The following PKHD1L1 variants were observed in gnomAD, a reference collection of about 807,000 sequenced individuals.
PKHD1L1 encodes the protein fibrocystin-L.
Under a neutral mutation model 462.9 loss-of-function variants are expected in PKHD1L1, and 434 were observed. That is an observed-to-expected ratio of 0.94 (90% CI 0.87 to 1.02). PKHD1L1 has a LOEUF of 1.02. Ranked by LOEUF, PKHD1L1 falls within the 50% of genes least tolerant of loss-of-function variation. PKHD1L1 has a pLI of 0.00. For synonymous variants in PKHD1L1, 1,781 were observed against 1,750.0 expected, an observed-to-expected ratio of 1.02 and a Z score of -0.44; for missense variants, 5,202 against 5,096.1, an observed-to-expected ratio of 1.02 and a Z score of -0.63.
intron 38 of PKHD1L1, among the ~76,000 whole-genome samples, chr8:109,447,719 C>G (rs535509970): frequency 6.6e-6 from 1 of 152,306 alleles, no homozygotes; most frequent in South Asian, 2.1e-4. Context: ...AATGTAGTCT[C>G]TCCTCAAAAG....
chr8:109,493,911 T>A (rs2130928599), intron 63 of PKHD1L1, among the ~76,000 whole-genome samples, 160 bp downstream of exon 63: 1 of 151,954 alleles, frequency 6.6e-6, no homozygotes, highest in South Asian at 2.1e-4. Context: ...ACATTGGATC[T>A]AAAAAAATAA....
chr8:109,418,200 A>G (rs1379646727), intron 21 of PKHD1L1, among the ~76,000 whole-genome samples: 2 of 152,088 alleles, frequency 1.3e-5, no homozygotes, highest in African/African-American at 4.8e-5. Context: ...GAATTGCATA[A>G]TCAGTTGTAC....
intron 27 of PKHD1L1, among the ~76,000 whole-genome samples, chr8:109,430,954 T>C (rs898585100): frequency 2.0e-5 from 3 of 151,458 alleles, no homozygotes; most frequent in Non-Finnish European, 4.4e-5. Flanking sequence ...CACTCTTGCA[T>C]TTTGTAATGA....
At position 109,419,114 on chromosome 8, in the gene PKHD1L1, T is replaced by C. The variant is rs1172440464; in HGVS notation, c.2378T>C (p.Ile793Thr). 8 of 1,613,208 alleles carry C rather than the reference T, an allele frequency of 5.0e-6. No homozygotes were observed. Among genetic ancestry groups the C allele is most frequent in the Non-Finnish European group, 6.8e-6 (8 of 1,179,426 alleles). ...TATTTCAGCTGGACTTACACTTGCA[T>C]AGACCTTCTGGATCTCGTAAGAACG... ...AYGNNWTYTCIDLLDLVRTKY... is the reference protein window; with the variant it reads ...AYGNNWTYTCTDLLDLVRTKY... The change falls in exon 22 of 78, where the codon ATA becomes ACA. Residue 793 changes from isoleucine to threonine, a missense_variant. By Grantham distance (89) the Ile-to-Thr change is moderately conservative. This residue lies in a region of PKHD1L1 where 4,497 missense variants were observed against 4,336.8 expected (regional missense o/e 1.04). Coordinates refer to ENST00000378402, the MANE Select transcript of PKHD1L1 (RefSeq NM_177531.6).
At chr8:109,490,930 A>G in intron 60 of PKHD1L1, 42 bp from the exon 61 acceptor site, 1 of 1,473,396 alleles carries the variant, frequency 6.8e-7, no homozygotes, top group Non-Finnish European at 9.1e-7. Flanking sequence ...ATATATTGTA[A>G]TTTTATTTTA....
At chr8:109,488,576 C>T (rs1818670825) in intron 59 of PKHD1L1, among the ~76,000 whole-genome samples, 1 of 152,004 alleles carries the variant, frequency 6.6e-6, no homozygotes, top group African/African-American at 2.4e-5. Flanking sequence ...AGTAGACCAT[C>T]CATTCTTGAT....
intron 2 of PKHD1L1, among the ~76,000 whole-genome samples, chr8:109,380,750 C>T (rs549788642): frequency 7.2e-5 from 11 of 152,202 alleles, no homozygotes; most frequent in African/African-American, 2.4e-4. Flanking sequence ...TCACATTTTG[C>T]TCTCTCTCAT....
chr8:109,388,538 A>G lies in PKHD1L1; in HGVS notation c.611A>G (p.Gln204Arg), dbSNP rs1236899719. ...GGMPCELLIP[Q>R]SDNLYGLKLD... ...ATGCCCTGTGAGCTTCTCATACCAC[A>G]ATCTGATAATTTGTAAGTAATTCAA... Residue 204 changes from glutamine to arginine, a missense_variant, in exon 7 of 78, where the codon CAA becomes CGA. By Grantham distance (43) the Gln-to-Arg change is conservative (BLOSUM62 1). This residue lies in a region of PKHD1L1 where 4,497 missense variants were observed against 4,336.8 expected (regional missense o/e 1.04). Transcript: ENST00000378402. The G allele has an allele frequency of 3.0e-5, 45 of 1,511,564 alleles. No individual in the cohort carries two copies. Among genetic ancestry groups the G allele is most frequent in the Non-Finnish European group, 4.0e-5 (44 of 1,111,988 alleles). The allele number at this position is 1,511,564 out of a possible 1,614,324, so 93.6% of individuals were successfully genotyped here. A position where few individuals can be genotyped will look rare whatever the true frequency, so the allele number is the denominator to read the frequency against.
intron 55 of PKHD1L1, chr8:109,480,713 T>A (rs900180254): frequency 2.4e-6 from 1 of 418,868 alleles, no homozygotes; most frequent in Non-Finnish European, 4.7e-6. Flanking sequence ...CAAAAAGCTA[T>A]TAAGCAGCAT....
At chr8:109,372,409 G>C (rs1281968953) in intron 2 of PKHD1L1, among the ~76,000 whole-genome samples, 1 of 152,224 alleles carries the variant, frequency 6.6e-6, no homozygotes, top group Non-Finnish European at 1.5e-5. Context: ...TTTGGGCTGA[G>C]ACGACTGGGT....
At chr8:109,433,821 T>G (rs1314826010) in intron 28 of PKHD1L1, among the ~76,000 whole-genome samples, 1 of 152,208 alleles carries the variant, frequency 6.6e-6, no homozygotes, top group African/African-American at 2.4e-5. Context: ...GTTTTTAGTT[T>G]AGTTCTTTTA....
rs539024405 is a variant in PKHD1L1 at position 109,479,428 on chromosome 8, G to A, written c.9090-123G>A. 1.7e-4 allele frequency: 105 copies of A among 625,610 alleles called. 1 individual carries two copies. In the Admixed American group the frequency reaches 2.4e-3, roughly 15 times the overall value. 38.8% of individuals were successfully genotyped at this position (625,610 alleles called of 1,614,324 possible). On this transcript the variant is annotated intron_variant, in intron 53 of 77. Coordinates refer to ENST00000378402, the MANE Select transcript of PKHD1L1 (RefSeq NM_177531.6). ...TCAAGGGTCTTTAAAAGGACAAAGC[G>A]TGCATTTTTTTTCTTCTCTACCATG...
chr8:109,529,064 T>C (rs1253924279), intron 77 of PKHD1L1, among the ~76,000 whole-genome samples: 2 of 152,176 alleles, frequency 1.3e-5, no homozygotes, highest in South Asian at 2.1e-4. Context: ...TACTAAAGCA[T>C]ATTGAGCAAT....
chr8:109,410,110 G>T (rs1186452666), intron 19 of PKHD1L1, 132 bp downstream of exon 19: 14 of 538,690 alleles, frequency 2.6e-5, no homozygotes, highest in Non-Finnish European at 4.5e-5. Context: ...AAATGACTTT[G>T]TTATACATTT....
At chr8:109,439,221 G>T in intron 32 of PKHD1L1, 129 bp downstream of exon 32, 1 of 809,196 alleles carries the variant, frequency 1.2e-6, no homozygotes, top group Non-Finnish European at 1.9e-6. Context: ...ATCTTCTTTG[G>T]CAAAAGATGC....
At chr8:109,416,930 C>A (rs13438836) in intron 21 of PKHD1L1, among the ~76,000 whole-genome samples, 1 of 151,976 alleles carries the variant, frequency 6.6e-6, no homozygotes, top group African/African-American at 2.4e-5. Context: ...TGATGCCTAT[C>A]GCCCTTATGC....
chr8:109,448,064 A>G, intron 38 of PKHD1L1, 79 bp from the exon 39 acceptor site: 1 of 1,259,460 alleles, frequency 7.9e-7, no homozygotes, highest in African/African-American at 1.5e-5. Flanking sequence ...TTATTTGTAA[A>G]AGTAAAGAGG....
At chr8:109,455,372 A>G (rs1816761866) in intron 45 of PKHD1L1, among the ~76,000 whole-genome samples, 2 of 151,930 alleles carry the variant, frequency 1.3e-5, no homozygotes, top group Non-Finnish European at 2.9e-5. Context: ...AACAAACAAA[A>G]CCAAAAAAAC....
intron 28 of PKHD1L1, among the ~76,000 whole-genome samples, chr8:109,434,941 CA>C (rs1815319440): frequency 6.6e-6 from 1 of 151,924 alleles, no homozygotes; most frequent in South Asian, 2.1e-4. Context: ...GCATCCGAAG[CA>C]GATTGATTAC....
Sources: allele counts gnomAD v4.1 joint callset (sites outside exome capture counted in the v4.1 genomes callset), GRCh38; gene constraint gnomAD v4.1.1; regional missense constraint gnomAD v4.1.1; transcripts MANE v1.5; gene names NCBI Gene and HGNC (gene_info 2026-07-23, HGNC 2026-07-21).